Variants in CLSTN1 observed in about 807,000 individuals in gnomAD.
CLSTN1 encodes calsyntenin-1.
In CLSTN1, 28 loss-of-function variants were observed where a neutral mutation model predicts 108.3. The observed-to-expected ratio is 0.26, with a 90% confidence interval of 0.19 to 0.35. The LOEUF is 0.35. Among genes scored for constraint, CLSTN1 ranks in the 10% least tolerant of loss-of-function variants. The pLI, the probability that CLSTN1 is intolerant of heterozygous loss-of-function variation, is 1.00. For missense variants in CLSTN1, 1,157 were observed against 1,302.6 expected, an observed-to-expected ratio of 0.89 and a Z score of 1.72; for synonymous variants, 524 against 534.9, an observed-to-expected ratio of 0.98 and a Z score of 0.28.
chr1:9,796,576 C>T (rs1177287508), intron 1 of CLSTN1, among the ~76,000 whole-genome samples: 4 of 150,628 alleles, frequency 2.7e-5, no homozygotes, highest in Admixed American at 6.8e-5. Flanking sequence ...CCCAGCAACT[C>T]AGGAGGCTGA....
intron 2 of CLSTN1, among the ~76,000 whole-genome samples, chr1:9,756,778 A>AT (rs1358100600): frequency 6.6e-6 from 1 of 151,750 alleles, no homozygotes; most frequent in Non-Finnish European, 1.5e-5. Context: ...CTCAGGGGTC[A>AT]TTAGGATTTT....
chr1:9,779,254 A>G (rs1653123284), intron 1 of CLSTN1, among the ~76,000 whole-genome samples: 1 of 152,092 alleles, frequency 6.6e-6, no homozygotes, highest in Admixed American at 6.6e-5. Context: ...CTGAAACTCA[A>G]CATCCTCTCC....
chr1:9,744,420 T>C lies in CLSTN1; in HGVS notation c.1209A>G (p.Thr403=), dbSNP rs759648919. ...CTGTTTTATCAGAACTGCAAAGAAT[T>C]GTCTCCTTCTTCCTGCCGAATGGCC... ...RHGPFGRKKE[T]ILCSSDKTDM... Residue 403 remains threonine (T), a synonymous_variant, in exon 8 of 19, where the codon ACA becomes ACG. Coordinates refer to ENST00000377298, the MANE Select transcript of CLSTN1 (RefSeq NM_001009566.3). The C allele has an allele frequency of 1.2e-6, 2 of 1,610,338 alleles. No individual in the cohort carries two copies. The highest frequency in any genetic ancestry group is 3.3e-5 in the Admixed American group (2 of 59,986).
At chr1:9,768,966 A>G (rs1432948656) in intron 2 of CLSTN1, among the ~76,000 whole-genome samples, 52 of 119,958 alleles carry the variant, frequency 4.3e-4, no homozygotes, top group Non-Finnish European at 6.7e-4. Flanking sequence ...GAAAAGGGGG[A>G]AGGAGGGAAG....
chr1:9,743,330 C>G (rs570171904), intron 9 of CLSTN1, among the ~76,000 whole-genome samples: 1 of 152,106 alleles, frequency 6.6e-6, no homozygotes, highest in African/African-American at 2.4e-5. Flanking sequence ...GCACTTTGGG[C>G]GGCTGAGGTG....
intron 17 of CLSTN1, 29 bp downstream of exon 17, chr1:9,731,732 T>A (rs750458288): frequency 6.2e-7 from 1 of 1,613,494 alleles, no homozygotes; most frequent in South Asian, 1.1e-5. Context: ...ATGGAGCATC[T>A]CCGCTTGGTC....
chr1:9,778,223 A>AACACACACACACACACACACAC (rs57372437), intron 1 of CLSTN1, among the ~76,000 whole-genome samples: 4 of 134,502 alleles, frequency 3.0e-5, no homozygotes, highest in African/African-American at 1.1e-4. Flanking sequence ...TCTCCTCCCC[A>AACACACACACACACACACACAC]ACACACACAC....
chr1:9,801,556 T>C (rs1654269062), intron 1 of CLSTN1, among the ~76,000 whole-genome samples: 2 of 152,140 alleles, frequency 1.3e-5, no homozygotes, highest in African/African-American at 4.8e-5. Context: ...ACCATTATTG[T>C]TCGTTTGTTT....
At position 9,779,810 on chromosome 1, in the gene CLSTN1, A is replaced by G. The variant is rs186620556; in HGVS notation, c.92-6416T>C. The stretch of plus-strand genomic sequence containing the variant: ...AGATGTAAGATAGGCCATTTTAAAG[A>G]AAGGACTCCAAAAACTCCATTGTTT... On this transcript the variant is annotated intron_variant, in intron 1 of 18. Coordinates refer to ENST00000377298, the MANE Select transcript of CLSTN1 (RefSeq NM_001009566.3). 7.4e-3 allele frequency among the ~76,000 whole-genome samples: 1,123 copies of G among 152,184 alleles called. 8 individuals are homozygous for G. Among genetic ancestry groups the G allele is most frequent in the Middle Eastern group, 0.024 (7 of 292 alleles).
rs747470501 is a variant in CLSTN1 at position 9,749,551 on chromosome 1, C to T, written c.895G>A (p.Val299Ile). 2 of 1,614,212 alleles carry T rather than the reference C, an allele frequency of 1.2e-6. No individual in the cohort carries two copies. The highest frequency in any genetic ancestry group is 1.7e-5 in the Admixed American group (1 of 60,024). The part of the protein sequence containing the change: ...LETCDEPVAS[V>I]QATVELETSH... ...GTTTCTAGCTCCACTGTGGCCTGTACTGAGGCGACTGGCTCGTCACATGTC... is the reference window on the plus strand; with the variant it reads ...GTTTCTAGCTCCACTGTGGCCTGTATTGAGGCGACTGGCTCGTCACATGTC... Residue 299 changes from valine to isoleucine, a missense_variant, in exon 7 of 19, where the codon GTA becomes ATA. By Grantham distance (29) the Val-to-Ile change is conservative (BLOSUM62 3). Coordinates refer to ENST00000377298, the MANE Select transcript of CLSTN1 (RefSeq NM_001009566.3).
At chr1:9,799,364 G>C (rs1474268643) in intron 1 of CLSTN1, among the ~76,000 whole-genome samples, 1 of 151,794 alleles carries the variant, frequency 6.6e-6, no homozygotes, top group Non-Finnish European at 1.5e-5. Flanking sequence ...CCAGGGAGCC[G>C]GGCGCGGTGG....
rs368891783 is a variant in CLSTN1, at chr1:9,734,912, G to A, written c.2110+36C>T. 34 of 1,574,544 alleles carry A rather than the reference G, an allele frequency of 2.2e-5. No homozygotes were observed. The highest frequency in any genetic ancestry group is 3.3e-5 in the Admixed American group (2 of 59,802). ...CATGGGGACAATGGGGTTTCCGGCC[G>A]AGGCGAGGGAGCCCGCGCCCCACAG... On this transcript the variant is annotated intron_variant, in intron 14 of 18. Coordinates refer to ENST00000377298, the MANE Select transcript of CLSTN1 (RefSeq NM_001009566.3). This position sits in a 1 kb window ranked among gnomAD's most constrained non-coding sequence, Gnocchi z 4.8.
At chr1:9,810,052 A>G (rs1220694248) in intron 1 of CLSTN1, among the ~76,000 whole-genome samples, 3 of 66,602 alleles carry the variant, frequency 4.5e-5, no homozygotes, top group South Asian at 1.3e-3. Context: ...GAGAGAGAGA[A>G]AGAGAGAGAA....
At position 9,769,544 on chromosome 1, in the gene CLSTN1, C is replaced by T. The variant is rs374042210; in HGVS notation, c.214+3728G>A. On this transcript the variant is annotated intron_variant, in intron 2 of 18. Coordinates refer to ENST00000377298, the MANE Select transcript of CLSTN1 (RefSeq NM_001009566.3). Reference sequence around the variant, plus strand: ...CTGGGAGACGCCCATCACAAAAAGCCGTACAGTGCATTTACATGATTATCC... The same window carrying T: ...CTGGGAGACGCCCATCACAAAAAGCTGTACAGTGCATTTACATGATTATCC... 6.6e-5 allele frequency among the ~76,000 whole-genome samples: 10 copies of T among 152,264 alleles called. No homozygotes were observed. In the East Asian group the frequency reaches 1.5e-3, roughly 23 times the overall value.
intron 5 of CLSTN1, 76 bp from the exon 6 acceptor site, chr1:9,749,989 A>G: frequency 8.1e-7 from 1 of 1,233,166 alleles, no homozygotes; most frequent in South Asian, 1.3e-5. Context: ...GCGGAAAGAC[A>G]AAATGCATAG....
At position 9,749,593 on chromosome 1, in the gene CLSTN1, GA is replaced by G; in HGVS notation, c.852del (p.Pro285GlnfsTer21). ...TCACATGTCTCCAGGTGGATATTTG[GA>G]AAGACGGCCAACGCGCCGGTGCCCG... is the stretch of plus-strand genomic sequence containing the variant. ...YEPGTGALAV[F>X]PNIHLETCDE... is the part of the protein sequence containing the mutation. On this transcript the variant is annotated frameshift_variant, in exon 7 of 19. Coordinates refer to ENST00000377298, the MANE Select transcript of CLSTN1 (RefSeq NM_001009566.3). LOFTEE classifies it high-confidence loss of function. 1 of 1,614,194 alleles carries G rather than the reference GA, an allele frequency of 6.2e-7. No individual in the cohort carries two copies. Among genetic ancestry groups the G allele is most frequent in the Non-Finnish European group, 8.5e-7 (1 of 1,180,044 alleles).
chr1:9,804,142 C>A (rs1355442036), intron 1 of CLSTN1, among the ~76,000 whole-genome samples: 1 of 151,672 alleles, frequency 6.6e-6, no homozygotes, highest in Non-Finnish European at 1.5e-5. Context: ...GCGGGCGGAT[C>A]ACGAGGTCAA....
At chr1:9,743,145 C>A (rs563666719) in intron 9 of CLSTN1, among the ~76,000 whole-genome samples, 52 of 152,306 alleles carry the variant, frequency 3.4e-4, no homozygotes, top group South Asian at 2.7e-3. Flanking sequence ...CATCCCAACT[C>A]TACATCAAAA....
intron 1 of CLSTN1, among the ~76,000 whole-genome samples, chr1:9,806,579 T>C (rs1654514676): frequency 6.6e-6 from 1 of 151,990 alleles, no homozygotes; most frequent in Non-Finnish European, 1.5e-5. Flanking sequence ...AAGAAAAAAA[T>C]CTATAAAAAT....
Sources: allele counts gnomAD v4.1 joint callset (sites outside exome capture counted in the v4.1 genomes callset), GRCh38; gene constraint gnomAD v4.1.1; non-coding constraint Gnocchi (gnomAD v3.1); transcripts MANE v1.5; gene names NCBI Gene and HGNC (gene_info 2026-07-23, HGNC 2026-07-21).